The following PCDHB13 variants were observed in gnomAD, a reference collection of about 807,000 sequenced individuals.
PCDHB13 encodes protocadherin beta-13.
For missense variants in PCDHB13, 1,065 were observed against 1,016.7 expected, an observed-to-expected ratio of 1.05 and a Z score of -0.65; for synonymous variants, 515 against 450.7, an observed-to-expected ratio of 1.14 and a Z score of -1.81.
In PCDHB13 at chr5:141,215,598, CG is replaced by C. The variant is rs1754578954; in HGVS notation, c.1476del (p.Gln494ArgfsTer48). The C allele has an allele frequency of 6.2e-7, 1 of 1,612,208 alleles. No individual in the cohort carries two copies. Among genetic ancestry groups the C allele is most frequent in the South Asian group, 1.1e-5 (1 of 89,996 alleles). On this transcript the variant is annotated frameshift_variant, in exon 1 of 1. Coordinates refer to ENST00000341948, the MANE Select transcript of PCDHB13 (RefSeq NM_018933.4). LOFTEE classifies it low-confidence loss of function (END_TRUNC). ...TNAQVTYSLL[P>X]PQDPHLPLTS... ...GCCCAGGTCACCTACTCGCTGCTGC[CG>C]CCCCAGGACCCGCACCTGCCCCTCA... is the stretch of plus-strand genomic sequence containing the variant.
In PCDHB13 at chr5:141,217,801, TAAC is replaced by T. The variant is rs1283555746; in HGVS notation, c.*1284_*1286del. ...TATGTTGTGGGAGAAAAATGTAGAA[TAAC>T]AAAATGAGTAAAAGTATAGAGGCAA... On this transcript the variant is annotated 3_prime_UTR_variant, in exon 1 of 1. Transcript: ENST00000341948. 6.0e-6 allele frequency: 1 copy of T among 166,778 alleles called. No individual in the cohort carries two copies. Among genetic ancestry groups the T allele is most frequent in the African/African-American group, 2.4e-5 (1 of 41,294 alleles). 10.3% of individuals were successfully genotyped at this position (166,778 alleles called of 1,614,324 possible).
chr5:141,215,110 T>C lies in PCDHB13; in HGVS notation c.987T>C (p.Ser329=). 6.2e-7 allele frequency: 1 copy of C among 1,614,212 alleles called. No homozygotes were observed. The highest frequency in any genetic ancestry group is 8.5e-7 in the Non-Finnish European group (1 of 1,180,050). ...NIEARDAGTF[S]GKCTVLIQVI... ...AGGCAAGAGATGCTGGAACCTTTTCTGGAAAATGCACCGTTCTGATTCAAG... is the reference window on the plus strand; with the variant it reads ...AGGCAAGAGATGCTGGAACCTTTTCCGGAAAATGCACCGTTCTGATTCAAG... The change falls in exon 1 of 1, where the codon TCT becomes TCC. Residue 329 remains serine (S), a synonymous_variant. Transcript: ENST00000341948.
chr5:141,216,525 A>G lies in PCDHB13; in HGVS notation c.*5A>G. Reference sequence around the variant, plus strand: ...TTTGGGTTCAATATTCAGTGACCATAGTTGACTTTTACATTCCATAGGTAT... The same window carrying G: ...TTTGGGTTCAATATTCAGTGACCATGGTTGACTTTTACATTCCATAGGTAT... On this transcript the variant is annotated 3_prime_UTR_variant, in exon 1 of 1. Coordinates refer to ENST00000341948, the MANE Select transcript of PCDHB13 (RefSeq NM_018933.4). 1 of 1,606,058 alleles carries G rather than the reference A, an allele frequency of 6.2e-7. No homozygotes were observed. Among genetic ancestry groups the G allele is most frequent in the Non-Finnish European group, 8.5e-7 (1 of 1,172,814 alleles).
chr5:141,216,448 T>A lies in PCDHB13; in HGVS notation c.2325T>A (p.Pro775=). 1.9e-6 allele frequency: 3 copies of A among 1,613,958 alleles called. No individual in the cohort carries two copies. The highest frequency in any genetic ancestry group is 2.5e-6 in the Non-Finnish European group (3 of 1,179,998). The change falls in exon 1 of 1, where the codon CCT becomes CCA. Residue 775 remains proline, a synonymous_variant. Coordinates refer to ENST00000341948, the MANE Select transcript of PCDHB13 (RefSeq NM_018933.4). ...KFLKPIIPNF[P]PQCPGKEIQG... ...TGAAGCCGATTATCCCCAACTTCCC[T>A]CCCCAGTGCCCTGGGAAAGAAATAC...
rs781917964 is a variant in PCDHB13 at position 141,214,861 on chromosome 5, T to C, written c.738T>C (p.Pro246=). 11 of 1,614,182 alleles carry C rather than the reference T, an allele frequency of 6.8e-6. No homozygotes were observed. Among genetic ancestry groups the C allele is most frequent in the Non-Finnish European group, 8.5e-6 (10 of 1,180,018 alleles). ...ATAATGCCCCTGAATTTGAGCAGCCTTTCTATAGAGTGCAGATCTCTGAGG... is the reference window on the plus strand; with the variant it reads ...ATAATGCCCCTGAATTTGAGCAGCCCTTCTATAGAGTGCAGATCTCTGAGG... ...VNDNAPEFEQ[P]FYRVQISEDS... Residue 246 remains proline, a synonymous_variant, in exon 1 of 1, where the codon CCT becomes CCC. Coordinates refer to ENST00000341948, the MANE Select transcript of PCDHB13 (RefSeq NM_018933.4).
Position 141,215,540 on chromosome 5 carries a change from G to T in PCDHB13, c.1417G>T (p.Val473Phe). 5 of 1,613,808 alleles carry T rather than the reference G, an allele frequency of 3.1e-6. No individual in the cohort carries two copies. Among genetic ancestry groups the T allele is most frequent in the East Asian group, 2.2e-5 (1 of 44,858 alleles). Residue 473 changes from valine to phenylalanine, a missense_variant, in exon 1 of 1, where the codon GTC becomes TTC. Physicochemically the swap from Val to Phe is conservative, Grantham distance 50. Transcript: ENST00000341948. ...CAGCCCCGCCCTGCACATCCGCAGC[G>T]TCAGCGCTACAGACAGAGACTCAGG... is the stretch of plus-strand genomic sequence containing the variant. ...NNSPALHIRS[V>F]SATDRDSGTN...
chr5:141,217,505 T>A lies in PCDHB13; in HGVS notation c.*985T>A, dbSNP rs188801408. The A allele has an allele frequency of 6.0e-6, 1 of 167,154 alleles. No individual in the cohort carries two copies. Among genetic ancestry groups the A allele is most frequent in the Non-Finnish European group, 1.5e-5 (1 of 68,112 alleles). The allele number at this position is 167,154 out of a possible 1,614,324, so 10.4% of individuals were successfully genotyped here. On this transcript the variant is annotated 3_prime_UTR_variant, in exon 1 of 1. Transcript: ENST00000341948. Reference sequence around the variant, plus strand: ...CAAATGTGGTCATGATCCACTAAATTTATTTCATGGTATACTAGTGGGTAG... The same window carrying A: ...CAAATGTGGTCATGATCCACTAAATATATTTCATGGTATACTAGTGGGTAG...
chr5:141,216,691 T>C lies in PCDHB13; in HGVS notation c.*171T>C. 1.3e-6 allele frequency: 1 copy of C among 753,226 alleles called. No individual in the cohort carries two copies. Among genetic ancestry groups the C allele is most frequent in the Non-Finnish European group, 2.4e-6 (1 of 422,294 alleles). The allele number at this position is 753,226 out of a possible 1,614,324, so 46.7% of individuals were successfully genotyped here. A position where few individuals can be genotyped will look rare whatever the true frequency, so the allele number is the denominator to read the frequency against. ...AACATTTACCTTTATTCCTGGTTCT[T>C]AAAAGGTGACAATTCATTCTTTAAC... On this transcript the variant is annotated 3_prime_UTR_variant, in exon 1 of 1. Transcript: ENST00000341948.
chr5:141,216,981 C>T lies in PCDHB13; in HGVS notation c.*461C>T, dbSNP rs781968658. On this transcript the variant is annotated 3_prime_UTR_variant, in exon 1 of 1. Coordinates refer to ENST00000341948, the MANE Select transcript of PCDHB13 (RefSeq NM_018933.4). Reference sequence around the variant, plus strand: ...CGTTTTTAGTTAACCTTTAAATATGCTTTTTGCTTTCAAAAATAAACCAGA... The same window carrying T: ...CGTTTTTAGTTAACCTTTAAATATGTTTTTTGCTTTCAAAAATAAACCAGA... 8.0e-6 allele frequency: 2 copies of T among 250,948 alleles called. No homozygotes were observed. Among genetic ancestry groups the T allele is most frequent in the East Asian group, 1.5e-4 (1 of 6,888 alleles). 15.5% of individuals were successfully genotyped at this position (250,948 alleles called of 1,614,324 possible).
In PCDHB13 at chr5:141,216,007, G is replaced by T. The variant is rs1563989036; in HGVS notation, c.1884G>T (p.Arg628Ser). 23 of 1,606,888 alleles carry T rather than the reference G, an allele frequency of 1.4e-5. No homozygotes were observed. Among genetic ancestry groups the T allele is most frequent in the Non-Finnish European group, 1.9e-5 (23 of 1,179,554 alleles). The change falls in exon 1 of 1, where the codon AGG (arginine) becomes AGT (serine). Residue 628 changes from arginine (R) to serine (S), a missense_variant. Physicochemically the swap from Arg to Ser is moderately radical, Grantham distance 110 (BLOSUM62 -1). Transcript: ENST00000341948. ...ACAATGGCGAGGTGCGCACCGCCAG[G>T]CTGCTGAGCGAGCGCGACGCGGCCA... is the stretch of plus-strand genomic sequence containing the variant. Reference protein sequence around the residue: ...WAHNGEVRTARLLSERDAAKH... With the variant: ...WAHNGEVRTASLLSERDAAKH...
At position 141,215,263 on chromosome 5, in the gene PCDHB13, G is replaced by A; in HGVS notation, c.1140G>A (p.Gly380=). 1.9e-6 allele frequency: 3 copies of A among 1,614,058 alleles called. No homozygotes were observed. The highest frequency in any genetic ancestry group is 1.1e-5 in the South Asian group (1 of 91,070). The change falls in exon 1 of 1, where the codon GGG becomes GGA. Residue 380 remains glycine (G), a synonymous_variant. Transcript: ENST00000341948. ...SVSDLDSGEN[G]KISCSIQEDL... ...CAGATCTTGATTCAGGAGAAAATGG[G>A]AAAATTAGTTGCTCCATTCAGGAGG...
rs1304992933 is a variant in PCDHB13 at position 141,214,407 on chromosome 5, A to T, written c.284A>T (p.Asp95Val). Residue 95 changes from aspartate to valine, a missense_variant, in exon 1 of 1, where the codon GAT (aspartate) becomes GTT (valine). Physicochemically the swap from Asp to Val is radical, Grantham distance 152. Transcript: ENST00000341948. The part of the protein sequence containing the change: ...LLLNEKLDRE[D>V]LCGHTEPCVL... The stretch of plus-strand genomic sequence containing the variant: ...CTAAATGAGAAATTGGACCGTGAGG[A>T]TCTGTGCGGTCACACAGAGCCCTGT... 13 of 1,412,234 alleles carry T rather than the reference A, an allele frequency of 9.2e-6. No homozygotes were observed. Among genetic ancestry groups the T allele is most frequent in the African/African-American group, 7.3e-5 (5 of 68,256 alleles). The allele number at this position is 1,412,234 out of a possible 1,614,324, so 87.5% of individuals were successfully genotyped here.
In PCDHB13 at chr5:141,215,730, A is replaced by G. The variant is rs143032971; in HGVS notation, c.1607A>G (p.His536Arg). 7,095 of 1,612,260 alleles carry G rather than the reference A, an allele frequency of 4.4e-3. 20 individuals carry two copies. The highest frequency in any genetic ancestry group is 5.4e-3 in the Non-Finnish European group (6,346 of 1,179,792). The change falls in exon 1 of 1, where the codon CAC (histidine) becomes CGC (arginine). Residue 536 changes from histidine to arginine, a missense_variant. By Grantham distance (29) the His-to-Arg change is conservative. Coordinates refer to ENST00000341948, the MANE Select transcript of PCDHB13 (RefSeq NM_018933.4). ...CAGTTCCGCGTGGGCGCTTCAGACC[A>G]CGGCTCCCCGGCGCTGAGCAGCGAG... is the stretch of plus-strand genomic sequence containing the variant. ...GFQFRVGASD[H>R]GSPALSSEAL...
Position 141,215,091 on chromosome 5 carries a change from G to C in PCDHB13, c.968G>C (p.Arg323Thr). Residue 323 changes from arginine (R) to threonine (T), a missense_variant, in exon 1 of 1, where the codon AGA becomes ACA. Coordinates refer to ENST00000341948, the MANE Select transcript of PCDHB13 (RefSeq NM_018933.4). ...TCCTATGAAGTCAATATTGAGGCAA[G>C]AGATGCTGGAACCTTTTCTGGAAAA... is the stretch of plus-strand genomic sequence containing the variant. Reference protein sequence around the residue: ...LQSYEVNIEARDAGTFSGKCT... With the variant: ...LQSYEVNIEATDAGTFSGKCT... 6.2e-7 allele frequency: 1 copy of C among 1,614,162 alleles called. No homozygotes were observed. The highest frequency in any genetic ancestry group is 1.1e-5 in the South Asian group (1 of 91,068).
rs140404643 is a variant in PCDHB13 at position 141,216,440 on chromosome 5, A to C, written c.2317A>C (p.Asn773His). The C allele has an allele frequency of 1.2e-6, 2 of 1,613,698 alleles. No homozygotes were observed. Among genetic ancestry groups the C allele is most frequent in the East Asian group, 2.2e-5 (1 of 44,838 alleles). Residue 773 changes from asparagine (N) to histidine (H), a missense_variant, in exon 1 of 1, where the codon AAC becomes CAC. Asn to His is a moderately conservative substitution (Grantham distance 68, BLOSUM62 1). Coordinates refer to ENST00000341948, the MANE Select transcript of PCDHB13 (RefSeq NM_018933.4). ...CAAGTTCCTGAAGCCGATTATCCCC[A>C]ACTTCCCTCCCCAGTGCCCTGGGAA... Reference protein sequence around the residue: ...EFKFLKPIIPNFPPQCPGKEI... With the variant: ...EFKFLKPIIPHFPPQCPGKEI...
At position 141,217,037 on chromosome 5, in the gene PCDHB13, G is replaced by A. The variant is rs1754633108; in HGVS notation, c.*517G>A. On this transcript the variant is annotated 3_prime_UTR_variant, in exon 1 of 1. Transcript: ENST00000341948. ...TATATCCTATGATACAACTCTAAGT[G>A]TTATCACTTGATTCGAAAGGGTCAG... 2 of 197,040 alleles carry A rather than the reference G, an allele frequency of 1.0e-5. No homozygotes were observed. Among genetic ancestry groups the A allele is most frequent in the South Asian group, 2.6e-4 (2 of 7,762 alleles). The allele number at this position is 197,040 out of a possible 1,614,324, so 12.2% of individuals were successfully genotyped here.
Position 141,215,296 on chromosome 5 carries a change from C to A in PCDHB13, c.1173C>A (p.Pro391=), listed in dbSNP as rs1202239081. The change falls in exon 1 of 1, where the codon CCC becomes CCA. Residue 391 remains proline, a synonymous_variant. Transcript: ENST00000341948. ...KISCSIQEDL[P]FLLKSAENFY... is the part of the protein sequence containing the mutation. ...GTTGCTCCATTCAGGAGGATCTACC[C>A]TTCCTCCTGAAATCCGCGGAAAACT... is the stretch of plus-strand genomic sequence containing the variant. 6.2e-7 allele frequency: 1 copy of A among 1,614,100 alleles called. No homozygotes were observed. The highest frequency in any genetic ancestry group is 1.7e-5 in the Admixed American group (1 of 60,016).
chr5:141,216,203 T>C lies in PCDHB13; in HGVS notation c.2080T>C (p.Leu694=), dbSNP rs1554288137. 1.2e-6 allele frequency: 2 copies of C among 1,612,586 alleles called. No homozygotes were observed. The highest frequency in any genetic ancestry group is 4.5e-5 in the East Asian group (2 of 44,870). The part of the protein sequence containing the change: ...DLLTVYLVVA[L]ASVSSLFLFS... The stretch of plus-strand genomic sequence containing the variant: ...GCTCACCGTCTACCTGGTGGTGGCG[T>C]TGGCCTCGGTGTCTTCGCTCTTCCT... Residue 694 remains leucine, a synonymous_variant, in exon 1 of 1, where the codon TTG becomes CTG. Coordinates refer to ENST00000341948, the MANE Select transcript of PCDHB13 (RefSeq NM_018933.4).
Position 141,215,965 on chromosome 5 carries a change from G to C in PCDHB13, c.1842G>C (p.Leu614=), listed in dbSNP as rs781793599. The C allele has an allele frequency of 6.2e-6, 10 of 1,607,414 alleles. No homozygotes were observed. The highest frequency in any genetic ancestry group is 8.5e-6 in the Non-Finnish European group (10 of 1,179,528). ...YQLLKATELG[L]FGVWAHNGEV... ...TGCTCAAGGCCACGGAGCTCGGTCT[G>C]TTCGGCGTGTGGGCGCACAATGGCG... The change falls in exon 1 of 1, where the codon CTG becomes CTC. Residue 614 remains leucine, a synonymous_variant. Coordinates refer to ENST00000341948, the MANE Select transcript of PCDHB13 (RefSeq NM_018933.4).
Sources: gnomAD v4.1 joint callset for allele counts on GRCh38, gnomAD v4.1.1 for gene constraint, MANE v1.5 for transcripts, NCBI Gene and HGNC (gene_info 2026-07-23, HGNC 2026-07-21) for gene names.